Variants in BRD9 observed in about 807,000 individuals in gnomAD.
BRD9 encodes the protein bromodomain-containing protein 9.
In BRD9, 47 loss-of-function variants were observed where a neutral mutation model predicts 68.7. The observed-to-expected ratio is 0.68, with a 90% CI of 0.54 to 0.87. BRD9 has a LOEUF of 0.87. Among genes scored for constraint, BRD9 ranks in the 40% least tolerant of loss-of-function variants. The pLI, the probability that BRD9 is intolerant of heterozygous loss-of-function variation, is 0.00. For missense variants in BRD9, 670 were observed against 748.4 expected (o/e 0.90, Z 1.22); for synonymous variants, 313 against 293.9 (o/e 1.06, Z -0.67).
rs1246838163 is a variant in BRD9, at chr5:890,652, C to T, written c.400+503G>A. On this transcript the variant is annotated intron_variant, in intron 3 of 15. Transcript: ENST00000467963. ...AACTTCAGACCCACCATTTGGGCCTCGAGGTCCCTTCTTCCCAAGGGGAAT... is the reference window on the plus strand; with the variant it reads ...AACTTCAGACCCACCATTTGGGCCTTGAGGTCCCTTCTTCCCAAGGGGAAT... 2.0e-5 allele frequency among the ~76,000 whole-genome samples: 3 copies of T among 152,324 alleles called. 1 individual carries two copies. The highest frequency in any genetic ancestry group is 4.1e-4 in the South Asian group (2 of 4,830).
chr5:885,797 T>C (rs774476792), intron 7 of BRD9, among the ~76,000 whole-genome samples: 23 of 152,222 alleles, frequency 1.5e-4, no homozygotes, highest in Non-Finnish European at 2.6e-4. Flanking sequence ...CTATGTTAAG[T>C]GCTCTTGGTG....
chr5:876,688 A>G (rs556317937), intron 11 of BRD9, among the ~76,000 whole-genome samples: 29 of 152,302 alleles, frequency 1.9e-4, no homozygotes, highest in African/African-American at 7.0e-4. Flanking sequence ...AAAATAAAAT[A>G]TAATACAATC....
chr5:887,213 G>A (rs1401713975), intron 6 of BRD9, 148 bp downstream of exon 6: 1 of 664,626 alleles, frequency 1.5e-6, no homozygotes. Flanking sequence ...GGGCGGCCGG[G>A]GACGTCTACC....
Position 870,577 on chromosome 5 carries a change from T to C in BRD9, c.1423-2A>G. 1.2e-6 allele frequency: 2 copies of C among 1,605,336 alleles called. No individual in the cohort carries two copies. The highest frequency in any genetic ancestry group is 1.7e-6 in the Non-Finnish European group (2 of 1,172,956). ...GCTGTCTCCTAGGGTGTCCCCAACC[T>C]GTGGAGACAGACACACATCAAGAGC... is the stretch of plus-strand genomic sequence containing the variant. On this transcript the variant is annotated splice_acceptor_variant, in intron 13 of 15. Coordinates refer to ENST00000467963, the MANE Select transcript of BRD9 (RefSeq NM_023924.5). LOFTEE classifies it high-confidence loss of function.
At chr5:891,494 G>T (rs1167543840) in intron 2 of BRD9, 146 bp downstream of exon 2, 13 of 1,343,474 alleles carry the variant, frequency 9.7e-6, no homozygotes, top group African/African-American at 1.5e-5. Flanking sequence ...CTGAGTCTGC[G>T]GGCCTCAGCG....
At chr5:884,092 G>A (rs1211866779) in intron 7 of BRD9, 22 bp from the exon 8 acceptor site, 1 of 1,608,668 alleles carries the variant, frequency 6.2e-7, no homozygotes, top group Non-Finnish European at 8.5e-7. Context: ...GGACAACCAA[G>A]TCACCTGGAG....
chr5:877,235 C>A (rs1025598094), intron 11 of BRD9, among the ~76,000 whole-genome samples: 1 of 152,214 alleles, frequency 6.6e-6, no homozygotes, highest in African/African-American at 2.4e-5. Context: ...ACCAGGGGAG[C>A]CACGGCCTTG....
chr5:870,110 C>T (rs559170937), intron 14 of BRD9, among the ~76,000 whole-genome samples: 1 of 152,352 alleles, frequency 6.6e-6, no homozygotes, highest in Non-Finnish European at 1.5e-5. Context: ...CTGCCTTCTT[C>T]CCAGAGCCTC....
chr5:891,588 C>G, intron 2 of BRD9, 52 bp downstream of exon 2: 6 of 1,536,636 alleles, frequency 3.9e-6, no homozygotes, highest in Non-Finnish European at 4.4e-6. Flanking sequence ...GGACCAGGCT[C>G]CCCACGGGCT....
intron 7 of BRD9, among the ~76,000 whole-genome samples, chr5:884,516 T>G (rs566865368): frequency 9.7e-4 from 147 of 152,232 alleles, no homozygotes; most frequent in Non-Finnish European, 2.0e-3. Flanking sequence ...AGCAGCCCCC[T>G]CTGCTGTGGC....
In BRD9 at chr5:870,497, C is replaced by T; in HGVS notation, c.1501G>A (p.Asp501Asn). The change falls in exon 14 of 16, where the codon GAT becomes AAT. Residue 501 changes from aspartate (D) to asparagine (N), a missense_variant. Around this residue, in one of 5 missense-constraint regions of BRD9, gnomAD observed 280 missense variants for 281.5 expected, o/e 0.99. Coordinates refer to ENST00000467963, the MANE Select transcript of BRD9 (RefSeq NM_023924.5). ...CCCAGAGAGCTGAGCATGGAGATAT[C>T]CACAGAAACGTCGGGATAGGACTTC... ...SMKSYPDVSV[D>N]ISMLSSLGKV... is the part of the protein sequence containing the mutation. 6.2e-7 allele frequency: 1 copy of T among 1,614,116 alleles called. No individual in the cohort carries two copies. Among genetic ancestry groups the T allele is most frequent in the Non-Finnish European group, 8.5e-7 (1 of 1,179,974 alleles).
chr5:891,887 G>A (rs1447266645), intron 1 of BRD9, 33 bp from the exon 2 acceptor site: 1 of 1,548,530 alleles, frequency 6.5e-7, no homozygotes, highest in Non-Finnish European at 8.7e-7. Flanking sequence ...CTACCCGCGT[G>A]CTCAGGTGCA....
intron 3 of BRD9, among the ~76,000 whole-genome samples, chr5:890,587 C>T (rs992839875): frequency 2.0e-5 from 3 of 152,230 alleles, no homozygotes; most frequent in African/African-American, 4.8e-5. Flanking sequence ...CTACTAAAGG[C>T]CTCCAGCTTC....
chr5:876,136 C>A lies in BRD9; in HGVS notation c.1348G>T (p.Gly450Ter). 1 of 1,613,670 alleles carries A rather than the reference C, an allele frequency of 6.2e-7. No homozygotes were observed. The highest frequency in any genetic ancestry group is 8.5e-7 in the Non-Finnish European group (1 of 1,179,914). Residue 450 changes from glycine (G) to a stop codon, truncating the protein, a stop_gained, in exon 12 of 16, where the codon GGA becomes TGA. Coordinates refer to ENST00000467963, the MANE Select transcript of BRD9 (RefSeq NM_023924.5). LOFTEE classifies it high-confidence loss of function. ...TGGAAGAGCGTCCTAGAGTGGTCTC[C>A]GCCTGTGATCTGGTCCAGGAGGTCG... The part of the protein sequence containing the change: ...VDDLLDQITG[G>*]DHSRTLFQLK...
At chr5:876,328 TC>T in intron 11 of BRD9, 116 bp from the exon 12 acceptor site, 1 of 686,498 alleles carries the variant, frequency 1.5e-6, no homozygotes, top group Non-Finnish European at 2.5e-6. Flanking sequence ...CCCGTGACCC[TC>T]CCAGAGCGGG....
Position 889,003 on chromosome 5 carries a change from G to A in BRD9, c.606+18C>T, listed in dbSNP as rs1029674415. Reference sequence around the variant, plus strand: ...CAGAACTATGCCACGATTACTTCGGGCAATGAAAGTAACTTACCTTAAATT... The same window carrying A: ...CAGAACTATGCCACGATTACTTCGGACAATGAAAGTAACTTACCTTAAATT... On this transcript the variant is annotated intron_variant, in intron 5 of 15. Coordinates refer to ENST00000467963, the MANE Select transcript of BRD9 (RefSeq NM_023924.5). The A allele has an allele frequency of 2.5e-6, 4 of 1,601,656 alleles. No individual in the cohort carries two copies. In the African/African-American group the frequency reaches 5.4e-5, roughly 22 times the overall value.
At position 889,796 on chromosome 5, in the gene BRD9, C is replaced by A. The variant is rs867032100; in HGVS notation, c.401-149G>T. The A allele has an allele frequency of 2.0e-6, 3 of 1,466,160 alleles. No individual in the cohort carries two copies. In the Middle Eastern group the frequency reaches 5.4e-4, roughly 266 times the overall value. 90.8% of individuals were successfully genotyped at this position (1,466,160 alleles called of 1,614,324 possible). A position where few individuals can be genotyped will look rare whatever the true frequency, so the allele number is the denominator to read the frequency against. On this transcript the variant is annotated intron_variant, in intron 3 of 15. Coordinates refer to ENST00000467963, the MANE Select transcript of BRD9 (RefSeq NM_023924.5). ...GGATATAAAGATACATCCGACTCAG[C>A]CTTGGCTCCCACCAAGCTCAGCCGG...
chr5:872,251 C>T (rs73731001), intron 12 of BRD9, among the ~76,000 whole-genome samples: 7 of 152,204 alleles, frequency 4.6e-5, no homozygotes, highest in African/African-American at 1.4e-4. Flanking sequence ...TCAATGACAT[C>T]GATTTTCACA....
At chr5:887,314 C>A (rs747423821) in intron 6 of BRD9, 47 bp downstream of exon 6, 1 of 1,502,872 alleles carries the variant, frequency 6.7e-7, no homozygotes, top group Non-Finnish European at 9.2e-7. Context: ...CGACGGGGGG[C>A]AGAGCCCCTG....
Sources: gnomAD v4.1 joint callset for allele counts (sites outside exome capture counted in the v4.1 genomes callset) on GRCh38, gnomAD v4.1.1 for gene constraint, gnomAD v4.1.1 regional missense constraint, MANE v1.5 for transcripts, NCBI Gene and HGNC (gene_info 2026-07-23, HGNC 2026-07-21) for gene names.